PIK3CA: variants seen among roughly 807,000 people sequenced by gnomAD.
PIK3CA encodes phosphatidylinositol 4,5-bisphosphate 3-kinase catalytic subunit alpha isoform.
Under a neutral mutation model 138.2 loss-of-function variants are expected in PIK3CA, and 27 were observed. The ratio of observed to expected loss-of-function variants is 0.20; its 90% CI spans 0.14 to 0.27. The LOEUF (loss-of-function observed/expected upper bound fraction) is 0.27, where lower values mean the gene tolerates loss of function less well. Among genes scored for constraint, PIK3CA ranks in the 10% least tolerant of loss-of-function variants. The pLI is 1.00. For synonymous variants in PIK3CA, 358 were observed against 413.2 expected, an observed-to-expected ratio of 0.87 and a Z score of 1.62; for missense variants, 544 against 1,277.4, an observed-to-expected ratio of 0.43 and a Z score of 8.75.
chr3:179,173,645 T>A (rs1325721684), intron 1 of PIK3CA, among the ~76,000 whole-genome samples: 1 of 152,056 alleles, frequency 6.6e-6, no homozygotes, highest in African/African-American at 2.4e-5. Flanking sequence ...AGACCTAAAC[T>A]TCAGTTCTTA....
At chr3:179,200,108 T>C (rs1724374273) in intron 3 of PIK3CA, among the ~76,000 whole-genome samples, 1 of 152,090 alleles carries the variant, frequency 6.6e-6, no homozygotes, top group South Asian at 2.1e-4. Flanking sequence ...GTGAATATGA[T>C]ACTGATTTCT....
chr3:179,207,421 A>T (rs1724591802), intron 6 of PIK3CA, among the ~76,000 whole-genome samples: 1 of 152,228 alleles, frequency 6.6e-6, no homozygotes, highest in African/African-American at 2.4e-5. Flanking sequence ...GGGCTGAACA[A>T]GTAGATTTGT....
At chr3:179,161,422 CGTGGTGGCTCACGCCTGTAATT>C (rs1723278126) in intron 1 of PIK3CA, among the ~76,000 whole-genome samples, 2 of 152,140 alleles carry the variant, frequency 1.3e-5, no homozygotes, top group South Asian at 4.1e-4. Context: ...AAGTGCTGGG[CGTGGTGGCTCACGCCTGTAATT>C]CCAGCACTTT....
intron 1 of PIK3CA, among the ~76,000 whole-genome samples, chr3:179,175,048 ACT>A (rs1255502349): frequency 1.3e-5 from 2 of 151,250 alleles, no homozygotes; most frequent in Non-Finnish European, 2.9e-5. Context: ...TTATCTCAAG[ACT>A]CTTTTTTGTC....
chr3:179,170,453 T>C (rs1292168448), intron 1 of PIK3CA, among the ~76,000 whole-genome samples: 1 of 152,226 alleles, frequency 6.6e-6, no homozygotes, highest in Non-Finnish European at 1.5e-5. Context: ...TAACACAGAT[T>C]TTTAATTGTA....
chr3:179,227,590 T>C (rs558260725), intron 17 of PIK3CA, among the ~76,000 whole-genome samples: 1 of 152,078 alleles, frequency 6.6e-6, no homozygotes, highest in East Asian at 1.9e-4. Context: ...TCATCATTAG[T>C]TTTAAGAGTT....
intron 1 of PIK3CA, among the ~76,000 whole-genome samples, chr3:179,159,958 A>T (rs1411285974): frequency 3.3e-5 from 5 of 152,190 alleles, no homozygotes; most frequent in Non-Finnish European, 7.3e-5. Context: ...GGTGTAAAAA[A>T]TTTTAAAAAT....
chr3:179,155,650 T>C (rs1177104286), intron 1 of PIK3CA, among the ~76,000 whole-genome samples: 1 of 152,228 alleles, frequency 6.6e-6, no homozygotes, highest in African/African-American at 2.4e-5. Flanking sequence ...GAGTAGGTTA[T>C]ATGCATCTGC....
intron 1 of PIK3CA, among the ~76,000 whole-genome samples, chr3:179,188,533 C>G (rs1724049683): frequency 6.6e-6 from 1 of 152,102 alleles, no homozygotes; most frequent in South Asian, 2.1e-4. Context: ...ATACAGTCTT[C>G]TTGATGTGAA....
intron 4 of PIK3CA, among the ~76,000 whole-genome samples, chr3:179,203,061 C>T (rs1370329176): frequency 6.6e-6 from 1 of 150,960 alleles, no homozygotes; most frequent in Non-Finnish European, 1.5e-5. Flanking sequence ...CTGCCTCAGC[C>T]TCCCAAGTAG....
intron 1 of PIK3CA, among the ~76,000 whole-genome samples, chr3:179,195,423 A>G (rs1724242371): frequency 6.6e-6 from 1 of 152,222 alleles, no homozygotes; most frequent in Middle Eastern, 3.4e-3. Context: ...CTGTGCTTAC[A>G]TATTTTTCAT....
At chr3:179,206,641 G>A (rs931432668) in intron 6 of PIK3CA, among the ~76,000 whole-genome samples, 12 of 152,162 alleles carry the variant, frequency 7.9e-5, no homozygotes, top group African/African-American at 2.9e-4. Flanking sequence ...AAGGCTGGGC[G>A]TGGTGGCTCA....
chr3:179,175,856 A>G (rs1289800220), intron 1 of PIK3CA, among the ~76,000 whole-genome samples: 1 of 151,988 alleles, frequency 6.6e-6, no homozygotes, highest in African/African-American at 2.4e-5. Flanking sequence ...TTTGGTCTCA[A>G]TCTTTAATAT....
chr3:179,180,889 T>G (rs188992775), intron 1 of PIK3CA, among the ~76,000 whole-genome samples: 2 of 152,306 alleles, frequency 1.3e-5, no homozygotes, highest in East Asian at 1.9e-4. Context: ...AATGTGAACC[T>G]GAGAACTGTT....
intron 1 of PIK3CA, among the ~76,000 whole-genome samples, chr3:179,189,315 T>C (rs553767205): frequency 3.7e-4 from 57 of 152,344 alleles, no homozygotes; most frequent in African/African-American, 1.3e-3. Flanking sequence ...TACCTTAGGA[T>C]TGTTTCTCTC....
At chr3:179,209,092 T>C (rs946192888) in intron 6 of PIK3CA, among the ~76,000 whole-genome samples, 25 of 150,328 alleles carry the variant, frequency 1.7e-4, no homozygotes, top group African/African-American at 6.1e-4. Flanking sequence ...CACACATGCA[T>C]AAAAGTATAC....
chr3:179,186,137 C>A (rs976292017), intron 1 of PIK3CA, among the ~76,000 whole-genome samples: 7 of 152,178 alleles, frequency 4.6e-5, no homozygotes, highest in African/African-American at 1.7e-4. Context: ...TACAGAAAGA[C>A]CCTTACCACT....
At chr3:179,212,857 GA>G in intron 9 of PIK3CA, among the ~76,000 whole-genome samples, 1 of 152,118 alleles carries the variant, frequency 6.6e-6, no homozygotes, top group Non-Finnish European at 1.5e-5. Flanking sequence ...TCTATTGTAA[GA>G]ATATAATGTA....
chr3:179,238,980 T>G lies in PIK3CA; in HGVS notation c.*4616T>G, dbSNP rs1576951805. ...ATTAGTGCAGTGCCATTTCTTCTGC[T>G]TGATTTTAGGTATGTTAATATTCCA... On this transcript the variant is annotated 3_prime_UTR_variant, in exon 21 of 21. Coordinates refer to ENST00000263967, the MANE Select transcript of PIK3CA (RefSeq NM_006218.4). The G allele has an allele frequency of 9.2e-6, 2 of 217,014 alleles. No individual in the cohort carries two copies. Among genetic ancestry groups the G allele is most frequent in the East Asian group, 1.4e-4 (2 of 14,762 alleles). The allele number at this position is 217,014 out of a possible 1,614,324, so 13.4% of individuals were successfully genotyped here.
Sources: allele counts gnomAD v4.1 joint callset (sites outside exome capture counted in the v4.1 genomes callset), GRCh38; gene constraint gnomAD v4.1.1; transcripts MANE v1.5; gene names NCBI Gene and HGNC (gene_info 2026-07-23, HGNC 2026-07-21).